The following FAM171B variants were observed in gnomAD, a reference collection of about 807,000 sequenced individuals.
The protein encoded by FAM171B is family with sequence similarity 171 member B, also known as protein FAM171B.
A neutral mutation model predicts 75.6 loss-of-function variants in FAM171B; 19 were observed. The observed-to-expected ratio is 0.25, with a 90% CI of 0.18 to 0.37. The LOEUF (loss-of-function observed/expected upper bound fraction) is 0.37. Ranked by LOEUF, FAM171B falls within the 10% of genes least tolerant of loss-of-function variation. The pLI is 1.00. For synonymous variants in FAM171B, 367 were observed against 361.7 expected, an observed-to-expected ratio of 1.01 and a Z score of -0.17; for missense variants, 848 against 982.4, an observed-to-expected ratio of 0.86 and a Z score of 1.83.
intron 1 of FAM171B, among the ~76,000 whole-genome samples, chr2:186,703,347 G>C (rs1689690319): frequency 6.6e-6 from 1 of 151,848 alleles, no homozygotes; most frequent in Non-Finnish European, 1.5e-5. Context: ...ATGCTAGCTG[G>C]GCTTTATGTG....
At chr2:186,748,247 T>C (rs2105788795) in intron 4 of FAM171B, among the ~76,000 whole-genome samples, 1 of 152,010 alleles carries the variant, frequency 6.6e-6, no homozygotes, top group East Asian at 1.9e-4. Context: ...TACCACTCAT[T>C]GTAACCTAAC....
intron 1 of FAM171B, among the ~76,000 whole-genome samples, chr2:186,728,471 T>C (rs1690066885): frequency 6.6e-6 from 1 of 152,214 alleles, no homozygotes; most frequent in Admixed American, 6.5e-5. Flanking sequence ...CAGTAAACAT[T>C]TGTTGAATGG....
Position 186,762,573 on chromosome 2 carries a change from G to C in FAM171B, c.2231G>C (p.Ser744Thr). ...KILYLEDLDL[S>T]SSESGTTVCS... ...CTTTACTTAGAAGATTTAGACCTAA[G>C]CAGCAGTGAGAGTGGAACCACCGTC... The change falls in exon 8 of 8, where the codon AGC becomes ACC. Residue 744 changes from serine (S) to threonine (T), a missense_variant. This residue lies in a region of FAM171B where 136 missense variants were observed against 159.3 expected (regional missense o/e 0.85). Coordinates refer to ENST00000304698, the MANE Select transcript of FAM171B (RefSeq NM_177454.4). The surrounding 1 kb of genome is among the most constrained non-coding windows in gnomAD (Gnocchi z 4.0). 6.2e-7 allele frequency: 1 copy of C among 1,613,554 alleles called. No individual in the cohort carries two copies. Among genetic ancestry groups the C allele is most frequent in the South Asian group, 1.1e-5 (1 of 91,066 alleles).
intron 3 of FAM171B, among the ~76,000 whole-genome samples, chr2:186,744,639 T>G (rs572773785): frequency 6.6e-6 from 1 of 152,224 alleles, no homozygotes; most frequent in African/African-American, 2.4e-5. Context: ...GTGATTTTCT[T>G]GCCTCAGCCT....
At chr2:186,696,260 A>C (rs752480768) in intron 1 of FAM171B, among the ~76,000 whole-genome samples, 3 of 152,074 alleles carry the variant, frequency 2.0e-5, no homozygotes, top group Non-Finnish European at 4.4e-5. Flanking sequence ...TACCCAAGCC[A>C]GTGGCAAACA....
intron 1 of FAM171B, among the ~76,000 whole-genome samples, chr2:186,697,757 T>C (rs1689603127): frequency 6.6e-6 from 1 of 152,178 alleles, no homozygotes; most frequent in African/African-American, 2.4e-5. Context: ...TGACTAAGCC[T>C]TATCAGTCCA....
At chr2:186,694,861 C>A (rs531405799) in intron 1 of FAM171B, among the ~76,000 whole-genome samples, 2 of 151,886 alleles carry the variant, frequency 1.3e-5, no homozygotes, top group African/African-American at 4.8e-5. Flanking sequence ...GAAATCTTGC[C>A]ATGGACACCC....
intron 1 of FAM171B, among the ~76,000 whole-genome samples, chr2:186,736,400 TG>T (rs1405304746): frequency 6.6e-6 from 1 of 152,214 alleles, no homozygotes; most frequent in Non-Finnish European, 1.5e-5. Flanking sequence ...ATCTCTTCCA[TG>T]AGGTTTTTTT....
At chr2:186,729,977 G>C (rs767268099) in intron 1 of FAM171B, among the ~76,000 whole-genome samples, 4 of 151,898 alleles carry the variant, frequency 2.6e-5, no homozygotes, top group Non-Finnish European at 5.9e-5. Context: ...TTGTTTTTGA[G>C]ACAGAGTCTC....
Position 186,762,196 on chromosome 2 carries a change from A to G in FAM171B, c.1854A>G (p.Ser618=). The part of the protein sequence containing the change: ...EGQQSLPSQA[S]DWSRYSSSLL... Reference sequence around the variant, plus strand: ...AACAGAGCCTGCCATCCCAGGCTTCAGATTGGAGCCGATACTCAAGCAGCT... The same window carrying G: ...AACAGAGCCTGCCATCCCAGGCTTCGGATTGGAGCCGATACTCAAGCAGCT... Residue 618 remains serine (S), a synonymous_variant, in exon 8 of 8, where the codon TCA becomes TCG. Coordinates refer to ENST00000304698, the MANE Select transcript of FAM171B (RefSeq NM_177454.4). This position sits in a 1 kb window ranked among gnomAD's most constrained non-coding sequence, Gnocchi z 4.0. 1 of 1,613,716 alleles carries G rather than the reference A, an allele frequency of 6.2e-7. No homozygotes were observed. The highest frequency in any genetic ancestry group is 8.5e-7 in the Non-Finnish European group (1 of 1,179,786).
chr2:186,739,633 T>G (rs1184231320), intron 1 of FAM171B, among the ~76,000 whole-genome samples: 5 of 152,326 alleles, frequency 3.3e-5, no homozygotes, highest in African/African-American at 1.2e-4. Flanking sequence ...GGCAGCAGCA[T>G]GCATGGAAGT....
At chr2:186,743,856 G>A (rs1427024706) in intron 3 of FAM171B, among the ~76,000 whole-genome samples, 1 of 152,086 alleles carries the variant, frequency 6.6e-6, no homozygotes, top group Non-Finnish European at 1.5e-5. Context: ...ATTTCTTACT[G>A]GGGCTTCCAT....
chr2:186,706,990 T>A (rs1689741434), intron 1 of FAM171B, among the ~76,000 whole-genome samples: 1 of 152,182 alleles, frequency 6.6e-6, no homozygotes, highest in Non-Finnish European at 1.5e-5. Context: ...ATTTTTCTGT[T>A]TAACATTCTG....
chr2:186,744,571 A>G (rs1038270297), intron 3 of FAM171B, among the ~76,000 whole-genome samples: 11 of 152,208 alleles, frequency 7.2e-5, no homozygotes, highest in African/African-American at 2.4e-4. Context: ...CTTGTTGCCC[A>G]GGCTGGAGTA....
At chr2:186,695,703 C>T (rs1689569254) in intron 1 of FAM171B, among the ~76,000 whole-genome samples, 1 of 152,162 alleles carries the variant, frequency 6.6e-6, no homozygotes, top group Admixed American at 6.5e-5. Flanking sequence ...CAATTAATAA[C>T]ACTCAAGTGT....
chr2:186,748,288 C>G (rs374302007), intron 4 of FAM171B, among the ~76,000 whole-genome samples: 1 of 151,584 alleles, frequency 6.6e-6, no homozygotes, highest in African/African-American at 2.4e-5. Flanking sequence ...TCACCTCAAA[C>G]AGTCTATAAT....
intron 5 of FAM171B, among the ~76,000 whole-genome samples, chr2:186,753,157 A>AT (rs140076277): frequency 0.027 from 4,059 of 151,866 alleles, 185 homozygotes; most frequent in African/African-American, 0.092. Context: ...TTTTATTATT[A>AT]TTTTTTTTCA....
chr2:186,761,346 T>G, intron 7 of FAM171B, 110 bp downstream of exon 7: 1 of 1,444,400 alleles, frequency 6.9e-7, no homozygotes, highest in Admixed American at 2.4e-5. Flanking sequence ...TTATAATATA[T>G]CCTTTTTTAT....
At chr2:186,695,586 C>G (rs1559078826) in intron 1 of FAM171B, among the ~76,000 whole-genome samples, 1 of 152,128 alleles carries the variant, frequency 6.6e-6, no homozygotes, top group South Asian at 2.1e-4. Context: ...ATGCCAGCTG[C>G]GATTCATGAC....
Sources: gnomAD v4.1 joint callset for allele counts (sites outside exome capture counted in the v4.1 genomes callset) on GRCh38, gnomAD v4.1.1 for gene constraint, gnomAD v4.1.1 regional missense constraint, Gnocchi (gnomAD v3.1) non-coding constraint, MANE v1.5 for transcripts, NCBI Gene and HGNC (gene_info 2026-07-23, HGNC 2026-07-21) for gene names.